SEMA6D: variants seen among roughly 807,000 people sequenced by gnomAD.
The protein encoded by SEMA6D is semaphorin-6D.
SEMA6D carries 35 observed loss-of-function variants against 106.6 expected under a neutral mutation model. The observed-to-expected ratio is 0.33, with a 90% CI of 0.25 to 0.44. The LOEUF (loss-of-function observed/expected upper bound fraction) is 0.44. Ranked by LOEUF, SEMA6D falls within the 20% of genes least tolerant of loss-of-function variation. The probability of loss-of-function intolerance (pLI) is 1.00; values close to 1 mark genes in which losing one functional copy is unlikely to be tolerated. For synonymous variants in SEMA6D, 499 were observed against 487.7 expected (o/e 1.02, Z -0.31); for missense variants, 1,185 against 1,345.9 (o/e 0.88, Z 1.87).
At chr15:47,703,757 T>C (rs2078860996) in intron 4 of SEMA6D, among the ~76,000 whole-genome samples, 1 of 152,138 alleles carries the variant, frequency 6.6e-6, no homozygotes. Context: ...TACTAAACAA[T>C]GGCCTAGTTC....
intron 3 of SEMA6D, among the ~76,000 whole-genome samples, chr15:47,590,046 T>G (rs1377456176): frequency 1.3e-5 from 2 of 152,194 alleles, no homozygotes; most frequent in African/African-American, 4.8e-5. Flanking sequence ...GAATTTGGCC[T>G]TATTTAGAAA....
intron 1 of SEMA6D, among the ~76,000 whole-genome samples, chr15:47,406,778 CAAA>C (rs36102863): frequency 6.3e-5 from 7 of 111,768 alleles, no homozygotes; most frequent in Admixed American, 8.5e-5. Context: ...TTCTCACCAC[CAAA>C]AAAAAAAAAA....
intron 4 of SEMA6D, among the ~76,000 whole-genome samples, chr15:47,644,635 C>CT (rs2077547906): frequency 6.6e-6 from 1 of 152,206 alleles, no homozygotes; most frequent in Non-Finnish European, 1.5e-5. Flanking sequence ...GCCTTCTGCC[C>CT]TTTGAGAGTG....
At position 47,449,536 on chromosome 15, in the gene SEMA6D, T is replaced by G. The variant is rs186851494; in HGVS notation, c.-158-20938T>G. Among the ~76,000 whole-genome samples, 3 of 152,236 alleles carry G rather than the reference T, an allele frequency of 2.0e-5. No individual in the cohort carries two copies. In the East Asian group the frequency reaches 5.8e-4, roughly 30 times the overall value. ...CCTTGAACCTGGATGACCCAGTTCA[T>G]ATCAATTGTGTTTCTCCATTTATGG... On this transcript the variant is annotated intron_variant, in intron 2 of 19. Transcript: ENST00000558014.
intron 1 of SEMA6D, among the ~76,000 whole-genome samples, chr15:47,732,790 T>TAA (rs59337791): frequency 3.3e-5 from 5 of 151,870 alleles, no homozygotes; most frequent in African/African-American, 1.2e-4. Flanking sequence ...ATTAGGCAAT[T>TAA]AAAAAAAATA....
chr15:47,583,312 A>G (rs1178058076), intron 3 of SEMA6D, among the ~76,000 whole-genome samples: 1 of 152,204 alleles, frequency 6.6e-6, no homozygotes, highest in Non-Finnish European at 1.5e-5. Context: ...TTAAAGTTCA[A>G]GAACTGCTGC....
At chr15:47,562,875 T>C (rs1473302434) in intron 3 of SEMA6D, among the ~76,000 whole-genome samples, 3 of 152,116 alleles carry the variant, frequency 2.0e-5, no homozygotes, top group East Asian at 1.9e-4. Context: ...AAACAACAAC[T>C]TGTTTGAGAA....
At chr15:47,518,722 T>A (rs1245339305) in intron 3 of SEMA6D, among the ~76,000 whole-genome samples, 1 of 152,018 alleles carries the variant, frequency 6.6e-6, no homozygotes, top group Non-Finnish European at 1.5e-5. Flanking sequence ...TCTGGGTGAG[T>A]CAGTGAGTGA....
At chr15:47,703,996 G>A (rs2078865453) in intron 4 of SEMA6D, among the ~76,000 whole-genome samples, 1 of 152,112 alleles carries the variant, frequency 6.6e-6, no homozygotes, top group South Asian at 2.1e-4. Flanking sequence ...AGGGATTTTT[G>A]ATATTTTGAT....
At chr15:47,759,261 A>G (rs1008553475) in intron 1 of SEMA6D, among the ~76,000 whole-genome samples, 1 of 152,142 alleles carries the variant, frequency 6.6e-6, no homozygotes, top group African/African-American at 2.4e-5. Flanking sequence ...GCAACACCAT[A>G]AGCAAAGAGC....
At chr15:47,207,993 G>GCGCACACACACACA (rs1424944556) in intron 1 of SEMA6D, among the ~76,000 whole-genome samples, 302 of 89,386 alleles carry the variant, frequency 3.4e-3, no homozygotes, top group Admixed American at 5.0e-3. Context: ...TGGCGCGCGC[G>GCGCACACACACACA]CACACACACA....
intron 1 of SEMA6D, among the ~76,000 whole-genome samples, chr15:47,754,636 C>T (rs972172147): frequency 5.3e-5 from 8 of 152,106 alleles, no homozygotes; most frequent in Admixed American, 3.9e-4. Flanking sequence ...TTTAGAACTT[C>T]TTAGAATTTC....
intron 1 of SEMA6D, among the ~76,000 whole-genome samples, chr15:47,737,436 A>G (rs942797049): frequency 6.6e-6 from 1 of 152,192 alleles, no homozygotes; most frequent in African/African-American, 2.4e-5. Context: ...ATAAAGTATT[A>G]ATTTTAAAGG....
intron 4 of SEMA6D, among the ~76,000 whole-genome samples, chr15:47,685,274 A>C (rs537373670): frequency 6.6e-6 from 1 of 152,368 alleles, no homozygotes; most frequent in South Asian, 2.1e-4. Context: ...CCTAGAAAAC[A>C]GTGCCTGAGG....
chr15:47,353,353 A>G (rs2038405251), intron 1 of SEMA6D, among the ~76,000 whole-genome samples: 1 of 152,192 alleles, frequency 6.6e-6, no homozygotes, highest in Non-Finnish European at 1.5e-5. Context: ...GAGCCAATGA[A>G]ATAAAAATCA....
intron 4 of SEMA6D, among the ~76,000 whole-genome samples, chr15:47,701,975 CT>C (rs1477724687): frequency 5.3e-5 from 8 of 152,330 alleles, no homozygotes; most frequent in Admixed American, 5.2e-4. Flanking sequence ...AAGTGGCCCA[CT>C]GCGGTCAAAA....
At chr15:47,641,620 C>T (rs1458469423) in intron 4 of SEMA6D, among the ~76,000 whole-genome samples, 2 of 152,144 alleles carry the variant, frequency 1.3e-5, no homozygotes, top group African/African-American at 2.4e-5. Flanking sequence ...ATTGCCCTGG[C>T]TTTACCAGCT....
intron 3 of SEMA6D, among the ~76,000 whole-genome samples, chr15:47,499,814 C>T (rs561324217): frequency 2.0e-5 from 3 of 152,086 alleles, no homozygotes; most frequent in Non-Finnish European, 2.9e-5. Context: ...ATTTCTCCCC[C>T]ATAGAACACC....
Position 47,569,016 on chromosome 15 carries a change from C to T in SEMA6D, c.-86-31849C>T, listed in dbSNP as rs143571420. The stretch of plus-strand genomic sequence containing the variant: ...GACCTCCAAGGCCTCTGTGAAGCTT[C>T]GTGGGTGCTGTTTGGGAAAACGAGG... On this transcript the variant is annotated intron_variant, in intron 3 of 19. Coordinates refer to the SEMA6D transcript ENST00000558014. 9.8e-3 allele frequency among the ~76,000 whole-genome samples: 1,493 copies of T among 152,146 alleles called. 10 individuals carry two copies. The highest frequency in any genetic ancestry group is 0.021 in the Admixed American group (319 of 15,276).
Sources: allele counts gnomAD v4.1 joint callset (sites outside exome capture counted in the v4.1 genomes callset), GRCh38; gene constraint gnomAD v4.1.1; transcripts MANE v1.5; gene names NCBI Gene and HGNC (gene_info 2026-07-23, HGNC 2026-07-21).